Variants in DOC2B observed in about 807,000 individuals in gnomAD.
DOC2B encodes the protein double C2-like domain-containing protein beta.
DOC2B carries 21 observed loss-of-function variants against 28.9 expected under a neutral mutation model. The ratio of observed to expected loss-of-function variants is 0.73; its 90% CI spans 0.52 to 1.05. The LOEUF (loss-of-function observed/expected upper bound fraction) is 1.05, where lower values mean the gene tolerates loss of function less well. DOC2B is among the 50% of genes least tolerant of loss of function. DOC2B has a pLI of 0.00. For missense variants in DOC2B, 384 were observed against 421.1 expected, an observed-to-expected ratio of 0.91 and a Z score of 0.77; for synonymous variants, 194 against 178.1, an observed-to-expected ratio of 1.09 and a Z score of -0.71.
intron 7 of DOC2B, among the ~76,000 whole-genome samples, 153 bp from the exon 8 acceptor site, chr17:148,422 C>A (rs1361595177): frequency 6.6e-6 from 1 of 152,064 alleles, no homozygotes; most frequent in Non-Finnish European, 1.5e-5. Context: ...TCGCCCACTT[C>A]CCCCTGAGCT....
intron 6 of DOC2B, among the ~76,000 whole-genome samples, chr17:152,425 C>T (rs1372131087): frequency 6.6e-6 from 1 of 152,146 alleles, no homozygotes; most frequent in East Asian, 1.9e-4. Context: ...GGGTCAACTT[C>T]CGGCCTGGGG....
chr17:150,967 C>T (rs1032285601), intron 6 of DOC2B, among the ~76,000 whole-genome samples: 4 of 152,182 alleles, frequency 2.6e-5, no homozygotes, highest in South Asian at 2.1e-4. Flanking sequence ...AGTCTGGAAA[C>T]GGCAACACCA....
At chr17:169,764 G>A (rs772816717) in intron 2 of DOC2B, among the ~76,000 whole-genome samples, 2 of 151,876 alleles carry the variant, frequency 1.3e-5, no homozygotes, top group African/African-American at 2.4e-5. Context: ...CCCTCCTTCA[G>A]CTCACCCACC....
intron 2 of DOC2B, among the ~76,000 whole-genome samples, chr17:170,445 G>T (rs1015159623): frequency 6.6e-6 from 1 of 152,284 alleles, no homozygotes; most frequent in South Asian, 2.1e-4. Flanking sequence ...CCTGCTGGGT[G>T]AGCATGCTGC....
rs1365292429 is a variant in DOC2B at position 145,904 on chromosome 17, G to C, written c.*1537C>G. 6.6e-6 allele frequency: 1 copy of C among 152,472 alleles called. No individual in the cohort carries two copies. Among genetic ancestry groups the C allele is most frequent in the African/African-American group, 2.4e-5 (1 of 41,482 alleles). 9.4% of individuals were successfully genotyped at this position (152,472 alleles called of 1,614,324 possible). A position where few individuals can be genotyped will look rare whatever the true frequency, so the allele number is the denominator to read the frequency against. On this transcript the variant is annotated 3_prime_UTR_variant, in exon 9 of 9. Coordinates refer to ENST00000613549, the MANE Select transcript of DOC2B (RefSeq NM_003585.5). ...CAGGTCACCTGACCTCTCTGGGCCT[G>C]TTTCCATCACACACTGATGGGCTGA...
intron 5 of DOC2B, among the ~76,000 whole-genome samples, chr17:157,557 G>A (rs569749057): frequency 6.6e-6 from 1 of 152,290 alleles, no homozygotes; most frequent in African/African-American, 2.4e-5. Flanking sequence ...TGCCTCCCGG[G>A]TTTAAGCGAT....
At position 181,510 on chromosome 17, in the gene DOC2B, C is replaced by T; in HGVS notation, c.-31G>A. ...CAGCGCCGCCCCGCCCCGGGCGCGG[C>T]CCGGCCCGGCGCGACCCCGGCCCGG... On this transcript the variant is annotated 5_prime_UTR_variant, in exon 1 of 9. Coordinates refer to ENST00000613549, the MANE Select transcript of DOC2B (RefSeq NM_003585.5). The surrounding 1 kb of genome is among the most constrained non-coding windows in gnomAD (Gnocchi z 7.0). The T allele has an allele frequency of 5.0e-6, 5 of 994,802 alleles. No homozygotes were observed. Among genetic ancestry groups the T allele is most frequent in the Non-Finnish European group, 6.0e-6 (5 of 837,790 alleles). 61.6% of individuals were successfully genotyped at this position (994,802 alleles called of 1,614,324 possible).
At chr17:180,363 C>T (rs898663109) in intron 1 of DOC2B, among the ~76,000 whole-genome samples, 3 of 152,148 alleles carry the variant, frequency 2.0e-5, no homozygotes, top group African/African-American at 7.2e-5. Context: ...TGCCTGCTCC[C>T]GGGGGCTCAG....
chr17:154,743 A>G (rs1316663767), intron 6 of DOC2B, among the ~76,000 whole-genome samples: 1 of 151,930 alleles, frequency 6.6e-6, no homozygotes, highest in African/African-American at 2.4e-5. Flanking sequence ...TTTGTTTATT[A>G]TATTTTGAGA....
intron 2 of DOC2B, among the ~76,000 whole-genome samples, chr17:168,934 C>T (rs550238965): frequency 1.3e-5 from 2 of 152,280 alleles, no homozygotes; most frequent in African/African-American, 4.8e-5. Context: ...TTATCGGCAG[C>T]ATGAAAATGG....
chr17:168,679 GT>G (rs1378215984), intron 2 of DOC2B, among the ~76,000 whole-genome samples: 1 of 140,432 alleles, frequency 7.1e-6, no homozygotes, highest in Non-Finnish European at 1.5e-5. Flanking sequence ...TCTTGAGGTA[GT>G]GAATACGTCT....
chr17:164,625 T>C (rs7220537), intron 2 of DOC2B, among the ~76,000 whole-genome samples: 122,950 of 151,528 alleles, frequency 0.81, 50,240 homozygotes, highest in East Asian at 0.86. Flanking sequence ...GGACACAGTC[T>C]GAGACTAGGC....
chr17:162,337 G>A (rs2040215176), intron 3 of DOC2B, 147 bp from the exon 4 acceptor site: 1 of 669,886 alleles, frequency 1.5e-6, no homozygotes, highest in African/African-American at 1.8e-5. Context: ...TGGACTTAGG[G>A]TTGGTAATGA....
At position 171,997 on chromosome 17, in the gene DOC2B, G is replaced by A. The variant is rs141833461; in HGVS notation, c.453+540C>T. 6.9e-3 allele frequency among the ~76,000 whole-genome samples: 1,041 copies of A among 151,374 alleles called. 8 individuals are homozygous for A. Among genetic ancestry groups the A allele is most frequent in the Non-Finnish European group, 0.011 (745 of 67,574 alleles). On this transcript the variant is annotated intron_variant, in intron 2 of 8. Transcript: ENST00000613549. ...CCAGGCTGCAGAGGGGAGCACCAGCGGCCGGGCCAGGCTGCAGAGGGGTCC... is the reference window on the plus strand; with the variant it reads ...CCAGGCTGCAGAGGGGAGCACCAGCAGCCGGGCCAGGCTGCAGAGGGGTCC...
intron 6 of DOC2B, among the ~76,000 whole-genome samples, chr17:152,641 G>A (rs1555521919): frequency 6.6e-6 from 1 of 152,086 alleles, no homozygotes; most frequent in East Asian, 1.9e-4. Flanking sequence ...GCGTGGTGGT[G>A]CACACCTGTA....
chr17:174,310 T>G (rs1005234590), intron 1 of DOC2B, among the ~76,000 whole-genome samples: 29 of 152,230 alleles, frequency 1.9e-4, no homozygotes, highest in African/African-American at 6.3e-4. Context: ...TATGCCTCAG[T>G]TTACTCATCT....
In DOC2B at chr17:143,189, C is replaced by T. The variant is rs1278501437; in HGVS notation, c.*4252G>A. ...TGTGATTCTGTAAAAGTATTTTAAC[C>T]TCTCTGGGCCTTAGTTTCCCCATCT... On this transcript the variant is annotated 3_prime_UTR_variant, in exon 9 of 9. Transcript: ENST00000613549. 1.3e-5 allele frequency: 2 copies of T among 152,178 alleles called. No homozygotes were observed. Among genetic ancestry groups the T allele is most frequent in the Admixed American group, 6.5e-5 (1 of 15,272 alleles). 9.4% of individuals were successfully genotyped at this position (152,178 alleles called of 1,614,324 possible).
Position 158,571 on chromosome 17 carries a change from C to A in DOC2B, c.766-2194G>T, listed in dbSNP as rs370426289. Reference sequence around the variant, plus strand: ...ATGGCTAATCGATCCTAGCATTTGCCCTAGGCTCCAATGCCACCTCAGAAT... The same window carrying A: ...ATGGCTAATCGATCCTAGCATTTGCACTAGGCTCCAATGCCACCTCAGAAT... On this transcript the variant is annotated intron_variant, in intron 5 of 8. Coordinates refer to ENST00000613549, the MANE Select transcript of DOC2B (RefSeq NM_003585.5). 4.5e-4 allele frequency among the ~76,000 whole-genome samples: 68 copies of A among 152,340 alleles called. 1 individual carries two copies. The highest frequency in any genetic ancestry group is 1.6e-3 in the African/African-American group (67 of 41,586).
At chr17:180,531 C>G (rs900495085) in intron 1 of DOC2B, among the ~76,000 whole-genome samples, 1 of 152,142 alleles carries the variant, frequency 6.6e-6, no homozygotes, top group South Asian at 2.1e-4. Context: ...AAAGGACAAG[C>G]GGCCCCGCGG....
Sources: gnomAD v4.1 joint callset for allele counts (sites outside exome capture counted in the v4.1 genomes callset) on GRCh38, gnomAD v4.1.1 for gene constraint, Gnocchi (gnomAD v3.1) non-coding constraint, MANE v1.5 for transcripts, NCBI Gene and HGNC (gene_info 2026-07-23, HGNC 2026-07-21) for gene names.